The following KHDRBS2 variants were observed in gnomAD, a reference collection of about 807,000 sequenced individuals.
KHDRBS2 encodes KH domain-containing, RNA-binding, signal transduction-associated protein 2.
In KHDRBS2, 26 loss-of-function variants were observed where a neutral mutation model predicts 44.3. That is an observed-to-expected ratio of 0.59 (90% CI 0.43 to 0.81). The LOEUF (loss-of-function observed/expected upper bound fraction) is 0.81. Among genes scored for constraint, KHDRBS2 ranks in the 40% least tolerant of loss-of-function variants. The pLI, the probability that KHDRBS2 is intolerant of heterozygous loss-of-function variation, is 0.00. For synonymous variants in KHDRBS2, 194 were observed against 151.1 expected (o/e 1.28, Z -2.08); for missense variants, 476 against 433.1 (o/e 1.10, Z -0.88).
chr6:61,644,741 T>A, the KHDRBS2 span, among the ~76,000 whole-genome samples: 1 of 151,826 alleles, frequency 6.6e-6, no homozygotes, highest in Admixed American at 6.6e-5. Flanking sequence ...GAAGTGCAAA[T>A]CAAAAAAATA....
chr6:62,257,272 T>C (rs1304732143), intron 1 of KHDRBS2, among the ~76,000 whole-genome samples: 2 of 152,074 alleles, frequency 1.3e-5, no homozygotes, highest in East Asian at 1.9e-4. Context: ...TATCATCAAC[T>C]CTATTAGTGG....
intron 2 of KHDRBS2, among the ~76,000 whole-genome samples, chr6:62,081,841 G>T (rs540499028): frequency 6.6e-6 from 1 of 151,654 alleles, no homozygotes; most frequent in African/African-American, 2.4e-5. Context: ...CTTTTTGGGA[G>T]AAAAAAGAGA....
intron 3 of KHDRBS2, among the ~76,000 whole-genome samples, chr6:62,006,120 C>T (rs973850907): frequency 5.3e-5 from 8 of 151,984 alleles, no homozygotes; most frequent in Admixed American, 4.6e-4. Context: ...AAATCTCGTG[C>T]AGGATAAATT....
the KHDRBS2 span, among the ~76,000 whole-genome samples, chr6:61,582,319 G>C: frequency 6.6e-6 from 1 of 151,518 alleles, no homozygotes; most frequent in Non-Finnish European, 1.5e-5. Flanking sequence ...AGCCTAGCAG[G>C]CCCATAGAAG....
At chr6:62,151,170 T>G (rs1815098126) in intron 2 of KHDRBS2, among the ~76,000 whole-genome samples, 1 of 152,180 alleles carries the variant, frequency 6.6e-6, no homozygotes, top group South Asian at 2.1e-4. Context: ...TGCCGAGATA[T>G]TTAATGAATT....
intron 6 of KHDRBS2, among the ~76,000 whole-genome samples, chr6:61,869,791 G>T (rs1041486655): frequency 2.6e-5 from 4 of 152,074 alleles, no homozygotes; most frequent in Admixed American, 2.0e-4. Context: ...TGGAAGCCAT[G>T]AGGGACTGAG....
At chr6:61,649,502 G>C in the KHDRBS2 span, among the ~76,000 whole-genome samples, 3,739 of 152,190 alleles carry the variant, frequency 0.025, 72 homozygotes, top group Middle Eastern at 0.082. Context: ...TTATATAACA[G>C]CTTCACATCA....
At chr6:61,794,199 C>A (rs756528258) in intron 6 of KHDRBS2, among the ~76,000 whole-genome samples, 6 of 152,074 alleles carry the variant, frequency 3.9e-5, no homozygotes, top group Non-Finnish European at 7.4e-5. Flanking sequence ...GATAGACAGT[C>A]AAGAATTCTA....
intron 2 of KHDRBS2, among the ~76,000 whole-genome samples, chr6:62,065,779 A>T (rs1040142703): frequency 6.7e-6 from 1 of 149,518 alleles, no homozygotes; most frequent in Non-Finnish European, 1.5e-5. Flanking sequence ...AACTTAAAGT[A>T]TAAAAAAAAA....
At chr6:61,848,494 T>TATATAC (rs1562293705) in intron 6 of KHDRBS2, among the ~76,000 whole-genome samples, 3 of 50,566 alleles carry the variant, frequency 5.9e-5, no homozygotes, top group East Asian at 3.9e-4. Context: ...TATATATGTA[T>TATATAC]ATATATATAT....
chr6:61,845,928 C>T (rs1443342671), intron 6 of KHDRBS2, among the ~76,000 whole-genome samples: 2 of 152,092 alleles, frequency 1.3e-5, no homozygotes, highest in East Asian at 1.9e-4. Flanking sequence ...ATCATGGGGG[C>T]AGATTTCTCA....
chr6:61,589,901 G>A, the KHDRBS2 span, among the ~76,000 whole-genome samples: 1 of 152,092 alleles, frequency 6.6e-6, no homozygotes, highest in East Asian at 1.9e-4. Flanking sequence ...ACAGAGGAAG[G>A]AGGCAACCTT....
chr6:61,669,547 A>G, the KHDRBS2 span, among the ~76,000 whole-genome samples: 2 of 150,998 alleles, frequency 1.3e-5, no homozygotes, highest in Non-Finnish European at 3.0e-5. Flanking sequence ...ATATTTAAAC[A>G]TATTAATATG....
the KHDRBS2 span, among the ~76,000 whole-genome samples, chr6:61,550,986 C>G: frequency 6.6e-6 from 1 of 152,160 alleles, no homozygotes; most frequent in Admixed American, 6.5e-5. Context: ...GTTTCCCAGG[C>G]TGGTCTGGAA....
intron 6 of KHDRBS2, among the ~76,000 whole-genome samples, chr6:61,755,799 CAAA>C (rs34625585): frequency 1.9e-5 from 2 of 106,280 alleles, no homozygotes; most frequent in Non-Finnish European, 1.8e-5. Context: ...GACTCTGTCT[CAAA>C]AAAAAAAAAA....
intron 4 of KHDRBS2, among the ~76,000 whole-genome samples, chr6:61,946,448 T>C (rs1813392485): frequency 6.6e-6 from 1 of 152,170 alleles, no homozygotes; most frequent in African/African-American, 2.4e-5. Context: ...TTTACAATTG[T>C]TTTTAAATAG....
chr6:61,669,216 CA>C, the KHDRBS2 span, among the ~76,000 whole-genome samples: 1 of 150,894 alleles, frequency 6.6e-6, no homozygotes. Flanking sequence ...AAATAATTCT[CA>C]AAAACACAAC....
At chr6:61,865,965 C>A (rs1371467728) in intron 6 of KHDRBS2, among the ~76,000 whole-genome samples, 4 of 152,216 alleles carry the variant, frequency 2.6e-5, no homozygotes, top group African/African-American at 9.6e-5. Flanking sequence ...CAAGGTAAAG[C>A]CTTCCTCCCA....
intron 2 of KHDRBS2, among the ~76,000 whole-genome samples, chr6:62,070,488 C>A (rs531783119): frequency 1.3e-5 from 2 of 151,958 alleles, no homozygotes; most frequent in Admixed American, 6.6e-5. Context: ...ATCCCTCCCC[C>A]CTCCTCCCAC....
Sources: allele counts gnomAD v4.1 joint callset (sites outside exome capture counted in the v4.1 genomes callset), GRCh38; gene constraint gnomAD v4.1.1; transcripts MANE v1.5; gene names NCBI Gene and HGNC (gene_info 2026-07-23, HGNC 2026-07-21).